Variants in BMP1 observed in about 807,000 individuals in gnomAD.
BMP1 encodes bone morphogenetic protein 1.
Under a neutral mutation model 116.8 loss-of-function variants are expected in BMP1, and 63 were observed. The ratio of observed to expected loss-of-function variants is 0.54; its 90% CI spans 0.44 to 0.67. BMP1 has a LOEUF of 0.67. Among genes scored for constraint, BMP1 ranks in the 30% least tolerant of loss-of-function variants. The pLI, the probability that BMP1 is intolerant of heterozygous loss-of-function variation, is 0.00. For missense variants in BMP1, 1,183 were observed against 1,358.9 expected (o/e 0.87, Z 2.04); for synonymous variants, 536 against 533.4 (o/e 1.00, Z -0.07).
intron 9 of BMP1, among the ~76,000 whole-genome samples, chr8:22,193,199 G>A (rs1160261039): frequency 1.3e-5 from 2 of 152,164 alleles, no homozygotes; most frequent in East Asian, 3.9e-4. Context: ...ATTCACTTAT[G>A]TTGATTCTTA....
chr8:22,176,036 G>A (rs1828419683), intron 2 of BMP1, 107 bp from the exon 3 acceptor site: 2 of 1,193,374 alleles, frequency 1.7e-6, no homozygotes, highest in Non-Finnish European at 2.3e-6. Context: ...ATTTTAGCCA[G>A]TAGACAAATT....
At chr8:22,188,646 C>G (rs920512128) in intron 8 of BMP1, among the ~76,000 whole-genome samples, 1 of 152,244 alleles carries the variant, frequency 6.6e-6, no homozygotes. Flanking sequence ...AATTTGACAC[C>G]TCTGGTCTCA....
chr8:22,173,538 G>A, intron 1 of BMP1, 64 bp from the exon 2 acceptor site: 1 of 1,291,312 alleles, frequency 7.7e-7, no homozygotes, highest in South Asian at 1.4e-5. Flanking sequence ...GGGGCTAGAA[G>A]CACGGTGCAC....
chr8:22,199,163 A>T, intron 15 of BMP1: 1 of 1,367,592 alleles, frequency 7.3e-7, no homozygotes, highest in Non-Finnish European at 9.8e-7. Flanking sequence ...ACACATGTGC[A>T]CACACATTGC....
intron 15 of BMP1, chr8:22,198,922 C>T (rs116891912): frequency 0.035 from 42,684 of 1,225,694 alleles, 899 homozygotes; most frequent in Admixed American, 0.078. Flanking sequence ...AGGTGCTCAC[C>T]AGAGGGTTGA....
intron 8 of BMP1, among the ~76,000 whole-genome samples, chr8:22,191,210 C>A (rs1007097610): frequency 1.3e-5 from 2 of 152,190 alleles, no homozygotes; most frequent in Non-Finnish European, 2.9e-5. Context: ...CTCTTCTCCC[C>A]ATTGCACGCA....
chr8:22,195,502 G>T lies in BMP1; in HGVS notation c.1680G>T (p.Glu560Asp). The change falls in exon 13 of 20, where the codon GAG (glutamate) becomes GAT (aspartate). Residue 560 changes from glutamate (E) to aspartate (D), a missense_variant. Physicochemically the swap from Glu to Asp is conservative, Grantham distance 45. Around this residue, in one of 4 missense-constraint regions of BMP1, gnomAD observed 956 missense variants for 1,135.2 expected, o/e 0.84. Transcript: ENST00000306385. ...CTCGGCCCAACCGCGGGGGCTGTGA[G>T]CAGCGGTGCCTCAACACCCTGGGCA... is the stretch of plus-strand genomic sequence containing the variant. ...ECSRPNRGGC[E>D]QRCLNTLGSY... 1 of 1,612,428 alleles carries T rather than the reference G, an allele frequency of 6.2e-7. No homozygotes were observed. Among genetic ancestry groups the T allele is most frequent in the Non-Finnish European group, 8.5e-7 (1 of 1,179,682 alleles).
At chr8:22,172,522 C>T (rs567372111) in intron 1 of BMP1, among the ~76,000 whole-genome samples, 2 of 151,796 alleles carry the variant, frequency 1.3e-5, no homozygotes, top group South Asian at 4.2e-4. Flanking sequence ...ACTTTTTCCT[C>T]CTAGCTGGGA....
In BMP1 at chr8:22,197,432, C is replaced by T; in HGVS notation, c.2107+12C>T. Reference sequence around the variant, plus strand: ...CCACTTCTTCTCAGGTATCCCTGGACTGCCCAGCTCCTAGCCCCACCTCTC... The same window carrying T: ...CCACTTCTTCTCAGGTATCCCTGGATTGCCCAGCTCCTAGCCCCACCTCTC... On this transcript the variant is annotated intron_variant, in intron 15 of 19. Transcript: ENST00000306385. The T allele has an allele frequency of 6.3e-7, 1 of 1,594,270 alleles. No individual in the cohort carries two copies. The highest frequency in any genetic ancestry group is 8.6e-7 in the Non-Finnish European group (1 of 1,163,936).
chr8:22,202,950 G>C (rs540738227), intron 16 of BMP1, among the ~76,000 whole-genome samples: 12 of 151,696 alleles, frequency 7.9e-5, no homozygotes, highest in South Asian at 6.2e-4. Flanking sequence ...GGCTGAGGCT[G>C]CATGAGCCGA....
At chr8:22,198,994 G>C in intron 15 of BMP1, 1 of 1,302,690 alleles carries the variant, frequency 7.7e-7, no homozygotes. Context: ...GCTTACTCTC[G>C]TCTCTTCCTG....
intron 15 of BMP1, among the ~76,000 whole-genome samples, chr8:22,200,587 G>A (rs781074223): frequency 2.0e-5 from 3 of 152,128 alleles, no homozygotes; most frequent in Non-Finnish European, 4.4e-5. Flanking sequence ...TGCGTGTGTG[G>A]GTAGTGTGTA....
chr8:22,176,237 G>C lies in BMP1; in HGVS notation c.357G>C (p.Arg119=), dbSNP rs1194332734. 5 of 1,613,832 alleles carry C rather than the reference G, an allele frequency of 3.1e-6. No homozygotes were observed. Among genetic ancestry groups the C allele is most frequent in the African/African-American group, 1.3e-5 (1 of 74,930 alleles). ...CGRWRGRSRS[R]RAATSRPERV... ...GATGGAGAGGTAGATCCCGTAGCCG[G>C]CGGGCGGCGACGTCCCGACCAGAGC... The change falls in exon 3 of 20, where the codon CGG becomes CGC. Residue 119 remains arginine, a synonymous_variant. Transcript: ENST00000306385.
rs910528649 is a variant in BMP1, at chr8:22,176,543, G to T, written c.444G>T (p.Arg148Ser). ...VIGGNFTGSQRAVFRQAMRHW... is the reference protein window; with the variant it reads ...VIGGNFTGSQSAVFRQAMRHW... ...CCTTCCTCCTGGCAGGTAGCCAGAG[G>T]GCAGTCTTCCGGCAGGCCATGAGGC... Residue 148 changes from arginine (R) to serine (S), a missense_variant, in exon 4 of 20, where the codon AGG becomes AGT. By Grantham distance (110) the Arg-to-Ser change is moderately radical (BLOSUM62 -1). Transcript: ENST00000306385. The T allele has an allele frequency of 1.9e-6, 3 of 1,614,154 alleles. No individual in the cohort carries two copies. Among genetic ancestry groups the T allele is most frequent in the Non-Finnish European group, 2.5e-6 (3 of 1,179,998 alleles).
At chr8:22,184,325 C>T (rs1353959375) in intron 8 of BMP1, among the ~76,000 whole-genome samples, 2 of 152,218 alleles carry the variant, frequency 1.3e-5, no homozygotes, top group African/African-American at 4.8e-5. Flanking sequence ...CTCTAGTGGA[C>T]GCACATGGCC....
At chr8:22,202,147 C>T (rs914391749) in intron 16 of BMP1, among the ~76,000 whole-genome samples, 2 of 152,254 alleles carry the variant, frequency 1.3e-5, no homozygotes, top group Admixed American at 6.5e-5. Flanking sequence ...GAGGAGCTCA[C>T]GGCTGCTCTG....
chr8:22,194,250 C>G lies in BMP1; in HGVS notation c.1297+76C>G, dbSNP rs1829013936. On this transcript the variant is annotated intron_variant, in intron 10 of 19. Transcript: ENST00000306385. This position sits in a 1 kb window ranked among gnomAD's most constrained non-coding sequence, Gnocchi z 4.5. ...ATGGTAAAACAACTCCCTCCTGGCA[C>G]CTGAGGGGCAAGATTGTGGGTTCCC... The G allele has an allele frequency of 1.3e-6, 2 of 1,508,750 alleles. No homozygotes were observed. Among genetic ancestry groups the G allele is most frequent in the Admixed American group, 3.4e-5 (2 of 59,434 alleles). The allele number at this position is 1,508,750 out of a possible 1,614,324, so 93.5% of individuals were successfully genotyped here.
chr8:22,203,893 T>C (rs528712278), intron 16 of BMP1, among the ~76,000 whole-genome samples: 1 of 152,324 alleles, frequency 6.6e-6, no homozygotes, highest in East Asian at 1.9e-4. Context: ...GATGGTTTGA[T>C]AAAGAACAGA....
chr8:22,197,235 T>C lies in BMP1; in HGVS notation c.1927-5T>C. The C allele has an allele frequency of 1.7e-5, 28 of 1,606,244 alleles. No individual in the cohort carries two copies. The highest frequency in any genetic ancestry group is 2.4e-5 in the Non-Finnish European group (28 of 1,173,468). On this transcript the variant is annotated splice_polypyrimidine_tract_variant and splice_region_variant and intron_variant, in intron 14 of 19. Coordinates refer to ENST00000306385, the MANE Select transcript of BMP1 (RefSeq NM_006129.5). ...AGGCGGGCCTGGAGCTGGGCTTCCC[T>C]GCAGGTGTGCAAGTACGACTTCGTG...
Sources: gnomAD v4.1 joint callset for allele counts (sites outside exome capture counted in the v4.1 genomes callset) on GRCh38, gnomAD v4.1.1 for gene constraint, gnomAD v4.1.1 regional missense constraint, Gnocchi (gnomAD v3.1) non-coding constraint, MANE v1.5 for transcripts, NCBI Gene and HGNC (gene_info 2026-07-23, HGNC 2026-07-21) for gene names.